Variants in CHD1L observed in about 807,000 individuals in gnomAD.
CHD1L encodes the protein chromodomain helicase DNA binding protein 1 like.
Under a neutral mutation model 115.9 loss-of-function variants are expected in CHD1L, and 118 were observed. The observed-to-expected ratio is 1.02, with a 90% confidence interval of 0.88 to 1.19. The LOEUF (loss-of-function observed/expected upper bound fraction) is 1.19, where lower values mean the gene tolerates loss of function less well. Among genes scored for constraint, CHD1L ranks in the 50% most tolerant of loss-of-function variants. The pLI is 0.00. For missense variants in CHD1L, 1,179 were observed against 1,065.3 expected (o/e 1.11, Z -1.49); for synonymous variants, 411 against 387.1 (o/e 1.06, Z -0.72).
At chr1:147,290,589 CTTGTT>C (rs1225454995) in intron 19 of CHD1L, among the ~76,000 whole-genome samples, 2 of 152,114 alleles carry the variant, frequency 1.3e-5, no homozygotes, top group African/African-American at 4.8e-5. Context: ...TGTGATAGTT[CTTGTT>C]ATCAGACGTT....
At position 147,295,466 on chromosome 1, in the gene CHD1L, A is replaced by G; in HGVS notation, c.2651A>G (p.His884Arg). 6.2e-7 allele frequency: 1 copy of G among 1,611,830 alleles called. No individual in the cohort carries two copies. Among genetic ancestry groups the G allele is most frequent in the Non-Finnish European group, 8.5e-7 (1 of 1,178,706 alleles). The change falls in exon 23 of 23, where the codon CAT becomes CGT. Residue 884 changes from histidine to arginine, a missense_variant. Transcript: ENST00000369258. Reference protein sequence around the residue: ...YFPRSKSAVLHSQSSSSSSRQ... With the variant: ...YFPRSKSAVLRSQSSSSSSRQ... Reference sequence around the variant, plus strand: ...CCTAGAAGCAAGTCTGCTGTCCTTCATTCACAGTCTTCATCTTCCTCCTCA... The same window carrying G: ...CCTAGAAGCAAGTCTGCTGTCCTTCGTTCACAGTCTTCATCTTCCTCCTCA...
At chr1:147,203,146 T>C in the CHD1L span, 6 of 549,830 alleles carry the variant, frequency 1.1e-5, no homozygotes, top group African/African-American at 5.7e-5. Flanking sequence ...AATATGTTTA[T>C]TATAACATCC....
upstream of CHD1L, chr1:147,242,673 G>C (rs587692519): frequency 1.2e-4 from 151 of 1,264,228 alleles, no homozygotes; most frequent in African/African-American, 2.0e-3. Context: ...GTGCGCGCTT[G>C]GCCGCGCGGG....
chr1:147,273,524 C>T (rs1017066655), intron 12 of CHD1L, among the ~76,000 whole-genome samples: 5 of 152,156 alleles, frequency 3.3e-5, no homozygotes, highest in Non-Finnish European at 7.3e-5. Context: ...TCATAGACTG[C>T]ACATGGAGTC....
intron 15 of CHD1L, among the ~76,000 whole-genome samples, chr1:147,282,875 T>C (rs782514864): frequency 2.6e-5 from 4 of 152,218 alleles, no homozygotes; most frequent in Non-Finnish European, 4.4e-5. Context: ...CCAGTTGTAT[T>C]ACACTTTGGA....
At chr1:147,287,544 T>C in intron 18 of CHD1L, 91 bp from the exon 19 acceptor site, 1 of 837,544 alleles carries the variant, frequency 1.2e-6, no homozygotes, top group South Asian at 1.8e-5. Context: ...AAATCATTCT[T>C]CCACAAGTCC....
At chr1:147,204,377 C>T in the CHD1L span, 5 of 1,041,048 alleles carry the variant, frequency 4.8e-6, no homozygotes, top group Admixed American at 3.4e-5. Flanking sequence ...GATACGCATG[C>T]CTGAACAATA....
At chr1:147,279,963 A>C in intron 14 of CHD1L, 63 bp from the exon 15 acceptor site, 1 of 1,566,330 alleles carries the variant, frequency 6.4e-7, no homozygotes, top group South Asian at 1.1e-5. Context: ...TTAGCCAATC[A>C]CTGATATCCT....
intron 8 of CHD1L, 68 bp from the exon 9 acceptor site, chr1:147,267,357 AG>A (rs1674335114): frequency 2.6e-6 from 3 of 1,153,572 alleles, no homozygotes; most frequent in Non-Finnish European, 3.8e-6. Flanking sequence ...GTAAAAACTC[AG>A]GGTTTTGGTT....
chr1:147,259,501 T>A (rs1326641517), intron 5 of CHD1L: 1 of 179,264 alleles, frequency 5.6e-6, no homozygotes, highest in African/African-American at 2.4e-5. Context: ...TGCTATACTC[T>A]TTTAGACTAA....
chr1:147,229,470 T>C, the CHD1L span, among the ~76,000 whole-genome samples: 53 of 148,854 alleles, frequency 3.6e-4, no homozygotes, highest in African/African-American at 7.2e-4. Context: ...TCTTTTGGCT[T>C]AGGATTGACT....
the CHD1L span, among the ~76,000 whole-genome samples, chr1:147,218,332 T>C: frequency 1.3e-5 from 2 of 151,536 alleles, no homozygotes; most frequent in African/African-American, 4.9e-5. Context: ...GCCTCCTGGG[T>C]TCAAGCAATT....
the CHD1L span, among the ~76,000 whole-genome samples, chr1:147,235,945 G>C: frequency 1.3e-5 from 2 of 152,298 alleles, no homozygotes; most frequent in South Asian, 4.1e-4. Context: ...GGTCCATTCA[G>C]CCTGGCAGGC....
At position 147,280,078 on chromosome 1, in the gene CHD1L, G is replaced by A; in HGVS notation, c.1592G>A (p.Ser531Asn). ...GATAAACTGCTGGCCTCTGAGGGGAGCACCATGGATGAAATAGACCTGGAG... is the reference window on the plus strand; with the variant it reads ...GATAAACTGCTGGCCTCTGAGGGGAACACCATGGATGAAATAGACCTGGAG... ...GLDKLLASEG[S>N]TMDEIDLESI... The change falls in exon 15 of 23, where the codon AGC (serine) becomes AAC (asparagine). Residue 531 changes from serine (S) to asparagine (N), a missense_variant. Physicochemically the swap from Ser to Asn is conservative, Grantham distance 46 (BLOSUM62 1). Coordinates refer to ENST00000369258, the MANE Select transcript of CHD1L (RefSeq NM_004284.6). 1 of 1,614,092 alleles carries A rather than the reference G, an allele frequency of 6.2e-7. No homozygotes were observed. The highest frequency in any genetic ancestry group is 8.5e-7 in the Non-Finnish European group (1 of 1,180,002).
the CHD1L span, among the ~76,000 whole-genome samples, chr1:147,233,473 G>T: frequency 7.7e-6 from 1 of 129,564 alleles, no homozygotes; most frequent in Non-Finnish European, 1.6e-5. Context: ...AGGGAGGTGG[G>T]GGGGGTCAGC....
chr1:147,280,132 AG>A lies in CHD1L; in HGVS notation c.1647del (p.Gln549HisfsTer48). On this transcript the variant is annotated frameshift_variant, in exon 15 of 23. Coordinates refer to ENST00000369258, the MANE Select transcript of CHD1L (RefSeq NM_004284.6). LOFTEE classifies it high-confidence loss of function. Reference sequence around the variant, plus strand: ...ATCCTGGGAGAAACAAAAGATGGCCAGTGGGTCTCTGATGCCTTGCCTGCAG... The same window carrying A: ...ATCCTGGGAGAAACAAAAGATGGCCATGGGTCTCTGATGCCTTGCCTGCAG... The part of the protein sequence containing the change: ...ESILGETKDG[Q>X]WVSDALPAAE... 1 of 1,613,652 alleles carries A rather than the reference AG, an allele frequency of 6.2e-7. No individual in the cohort carries two copies. The highest frequency in any genetic ancestry group is 8.5e-7 in the Non-Finnish European group (1 of 1,179,840).
the CHD1L span, among the ~76,000 whole-genome samples, chr1:147,234,806 C>A: frequency 1.3e-5 from 2 of 152,146 alleles, no homozygotes; most frequent in African/African-American, 2.4e-5. Flanking sequence ...TTTTAACCAG[C>A]ATGGCCCTTA....
chr1:147,224,754 C>T, the CHD1L span: 3 of 719,988 alleles, frequency 4.2e-6, no homozygotes, highest in East Asian at 2.6e-5. Flanking sequence ...TCGTGATCCG[C>T]CCGCCTCGGC....
the CHD1L span, among the ~76,000 whole-genome samples, chr1:147,200,557 T>G: frequency 6.6e-6 from 1 of 151,246 alleles, no homozygotes; most frequent in Non-Finnish European, 1.5e-5. Flanking sequence ...CTTTGGAAGC[T>G]ATATCATTCT....
Sources: gnomAD v4.1 joint callset for allele counts (sites outside exome capture counted in the v4.1 genomes callset) on GRCh38, gnomAD v4.1.1 for gene constraint, MANE v1.5 for transcripts, NCBI Gene and HGNC (gene_info 2026-07-23, HGNC 2026-07-21) for gene names.